Variants in ATP13A2 observed in about 807,000 individuals in gnomAD.
The protein encoded by ATP13A2 is ATPase cation transporting 13A2, also known as polyamine-transporting ATPase 13A2.
Under a neutral mutation model 138.3 loss-of-function variants are expected in ATP13A2, and 83 were observed. The ratio of observed to expected loss-of-function variants is 0.60; its 90% confidence interval spans 0.50 to 0.72. ATP13A2 has a LOEUF of 0.72. ATP13A2 is among the 30% of genes least tolerant of loss of function. The pLI is 0.00. For synonymous variants in ATP13A2, 663 were observed against 699.0 expected, an observed-to-expected ratio of 0.95 and a Z score of 0.81; for missense variants, 1,402 against 1,606.4, an observed-to-expected ratio of 0.87 and a Z score of 2.17.
intron 11 of ATP13A2, 100 bp downstream of exon 11, chr1:16,999,910 CA>C (rs1267818643): frequency 2.8e-6 from 4 of 1,445,506 alleles, no homozygotes; most frequent in Non-Finnish European, 3.6e-6. Flanking sequence ...CACAAAAAAA[CA>C]AAAAAGGAAA....
intron 12 of ATP13A2, 44 bp from the exon 13 acceptor site, chr1:16,996,540 G>A: frequency 6.5e-7 from 1 of 1,529,540 alleles, no homozygotes; most frequent in Non-Finnish European, 9.1e-7. Context: ...GCCAGGGTGA[G>A]GGCAGGCCTT....
chr1:16,989,330 G>A (rs2076842088), intron 23 of ATP13A2, among the ~76,000 whole-genome samples: 2 of 152,146 alleles, frequency 1.3e-5, no homozygotes, highest in African/African-American at 4.8e-5. Context: ...TCCTGCCTCA[G>A]CCTCTTGAGT....
intron 24 of ATP13A2, 26 bp from the exon 25 acceptor site, chr1:16,988,260 G>A (rs371934965): frequency 2.7e-5 from 44 of 1,614,168 alleles, no homozygotes; most frequent in Non-Finnish European, 3.6e-5. Context: ...CGGACATTAG[G>A]GGACCCAGGT....
At position 16,997,165 on chromosome 1, in the gene ATP13A2, A is replaced by C; in HGVS notation, c.1050T>G (p.Ile350Met). The change falls in exon 12 of 29, where the codon ATT (isoleucine) becomes ATG (methionine). Residue 350 changes from isoleucine to methionine, a missense_variant. Ile to Met is a conservative substitution (Grantham distance 10, BLOSUM62 1). Transcript: ENST00000326735. ...CCGGCAGTGCCGTCTTCAGCACTGG[A>C]ATGCTCTCTCCTGGTGGGGAACGTG... ...VNESSLTGES[I>M]PVLKTALPEG... The C allele has an allele frequency of 1.2e-6, 2 of 1,613,412 alleles. No homozygotes were observed. The highest frequency in any genetic ancestry group is 1.7e-6 in the Non-Finnish European group (2 of 1,180,014).
chr1:16,997,275 T>C (rs929833403), intron 11 of ATP13A2, 100 bp from the exon 12 acceptor site: 1 of 1,432,124 alleles, frequency 7.0e-7, no homozygotes, highest in African/African-American at 1.4e-5. Flanking sequence ...TAAGTCTCAG[T>C]TAACTCTGTA....
At position 16,992,595 on chromosome 1, in the gene ATP13A2, A is replaced by C; in HGVS notation, c.1750-14T>G. 1.9e-6 allele frequency: 3 copies of C among 1,614,116 alleles called. No homozygotes were observed. The highest frequency in any genetic ancestry group is 2.5e-6 in the Non-Finnish European group (3 of 1,179,942). ...TTCCTCCAGGACCTGGCAGGCAGGCAGGGAAGTTTGGTGTCTGGGGGCTTT... is the reference window on the plus strand; with the variant it reads ...TTCCTCCAGGACCTGGCAGGCAGGCCGGGAAGTTTGGTGTCTGGGGGCTTT... On this transcript the variant is annotated splice_polypyrimidine_tract_variant and intron_variant, in intron 16 of 28. Transcript: ENST00000326735.
At position 17,004,366 on chromosome 1, in the gene ATP13A2, A is replaced by G. The variant is rs1344114373; in HGVS notation, c.523T>C (p.Trp175Arg). The G allele has an allele frequency of 6.2e-7, 1 of 1,613,948 alleles. No individual in the cohort carries two copies. The highest frequency in any genetic ancestry group is 8.5e-7 in the Non-Finnish European group (1 of 1,180,004). The change falls in exon 6 of 29, where the codon TGG (tryptophan) becomes CGG (arginine). Residue 175 changes from tryptophan to arginine, a missense_variant. Coordinates refer to ENST00000326735, the MANE Select transcript of ATP13A2 (RefSeq NM_022089.4). The surrounding 1 kb of genome is among the most constrained non-coding windows in gnomAD (Gnocchi z 4.1). ...TAGAAGGCTTGCTGGGTCTCGATCCAGATATAGCGCTGGCCCTGGAAGAGG... is the reference window on the plus strand; with the variant it reads ...TAGAAGGCTTGCTGGGTCTCGATCCGGATATAGCGCTGGCCCTGGAAGAGG... ...YYLFQGQRYI[W>R]IETQQAFYQV... is the part of the protein sequence containing the mutation.
intron 11 of ATP13A2, 135 bp from the exon 12 acceptor site, chr1:16,997,310 G>A (rs2077166640): frequency 9.3e-7 from 1 of 1,077,526 alleles, no homozygotes; most frequent in Non-Finnish European, 1.4e-6. Flanking sequence ...AGAAATCACA[G>A]CCCCATTTTA....
Position 17,005,912 on chromosome 1 carries a change from A to G in ATP13A2, c.11-134T>C, listed in dbSNP as rs1463893907. On this transcript the variant is annotated intron_variant, in intron 1 of 28. Coordinates refer to ENST00000326735, the MANE Select transcript of ATP13A2 (RefSeq NM_022089.4). ...CACTTTGGGAGGCCGAGGCGGGTGGATCACCTGAGGTTAGAAGTTCGAGAT... is the reference window on the plus strand; with the variant it reads ...CACTTTGGGAGGCCGAGGCGGGTGGGTCACCTGAGGTTAGAAGTTCGAGAT... The G allele has an allele frequency of 4.8e-5, 36 of 756,122 alleles. No individual in the cohort carries two copies. The East Asian group carries it at 9.5e-4, about 20-fold the overall frequency. The allele number at this position is 756,122 out of a possible 1,614,324, so 46.8% of individuals were successfully genotyped here.
chr1:16,996,290 G>A lies in ATP13A2; in HGVS notation c.1317C>T (p.Gly439=), dbSNP rs775625778. The A allele has an allele frequency of 1.9e-6, 3 of 1,614,202 alleles. No homozygotes were observed. Among genetic ancestry groups the A allele is most frequent in the Admixed American group, 1.7e-5 (1 of 60,020 alleles). Residue 439 remains glycine (G), a synonymous_variant, in exon 14 of 29, where the codon GGC becomes GGT. Transcript: ENST00000326735. ...VAALSVLALL[G]TIYSIFILYR... is the part of the protein sequence containing the mutation. The stretch of plus-strand genomic sequence containing the variant: ...AGAGGATGAAGATGCTGTAGATGGT[G>A]CCGAGGAGAGCTGTGGGGACAGCGA...
intron 3 of ATP13A2, 95 bp from the exon 4 acceptor site, chr1:17,005,167 A>G: frequency 6.4e-7 from 1 of 1,564,280 alleles, no homozygotes; most frequent in Non-Finnish European, 8.8e-7. Flanking sequence ...AGAAGGCAGA[A>G]ATCAAGGCTA....
Position 16,993,309 on chromosome 1 carries a change from G to A in ATP13A2, c.1749+320C>T, listed in dbSNP as rs147174411. 2.2e-3 allele frequency among the ~76,000 whole-genome samples: 334 copies of A among 152,216 alleles called. 4 individuals are homozygous for A. The highest frequency in any genetic ancestry group is 7.7e-3 in the African/African-American group (318 of 41,534). On this transcript the variant is annotated intron_variant, in intron 16 of 28. Transcript: ENST00000326735. ...CAGCTCCCTGTAGCCTCGCCCTCCC[G>A]GGCTCAATTAATCCTCCCACCTCAG...
intron 11 of ATP13A2, among the ~76,000 whole-genome samples, chr1:16,999,184 C>A (rs991450751): frequency 6.6e-6 from 1 of 151,934 alleles, no homozygotes. Flanking sequence ...AGTTCAAGAC[C>A]AGTCTGACCA....
At chr1:16,998,678 G>A (rs1401818322) in intron 11 of ATP13A2, among the ~76,000 whole-genome samples, 2 of 152,096 alleles carry the variant, frequency 1.3e-5, no homozygotes, top group African/African-American at 4.8e-5. Flanking sequence ...CTCCTGTGGC[G>A]TCCTTTGCAA....
At chr1:16,996,530 G>C in intron 12 of ATP13A2, 34 bp from the exon 13 acceptor site, 1 of 1,576,442 alleles carries the variant, frequency 6.3e-7, no homozygotes, top group Non-Finnish European at 8.7e-7. Flanking sequence ...AGGCAGGGAA[G>C]CCAGGGTGAG....
chr1:16,998,859 C>T (rs977376417), intron 11 of ATP13A2, among the ~76,000 whole-genome samples: 14 of 152,098 alleles, frequency 9.2e-5, no homozygotes, highest in African/African-American at 2.7e-4. Context: ...TACAATCCCA[C>T]GTTCAGAACA....
At chr1:17,000,966 T>TA (rs1334510284) in intron 8 of ATP13A2, 3 of 190,020 alleles carry the variant, frequency 1.6e-5, no homozygotes, top group Non-Finnish European at 3.3e-5. Context: ...AATAAATAAA[T>TA]AGGATAAGGG....
chr1:16,995,487 G>A lies in ATP13A2; in HGVS notation c.1542+489C>T, dbSNP rs1376804433. On this transcript the variant is annotated intron_variant, in intron 15 of 28. Coordinates refer to ENST00000326735, the MANE Select transcript of ATP13A2 (RefSeq NM_022089.4). The surrounding 1 kb of genome is among the most constrained non-coding windows in gnomAD (Gnocchi z 4.1). ...CCACCAGTAATTTTTTTTTTTTTTTGAGTTTTGCTCTGTCACCCAGGCTGG... is the reference window on the plus strand; with the variant it reads ...CCACCAGTAATTTTTTTTTTTTTTTAAGTTTTGCTCTGTCACCCAGGCTGG... 1 of 190,306 alleles carries A rather than the reference G, an allele frequency of 5.3e-6. No individual in the cohort carries two copies. The highest frequency in any genetic ancestry group is 1.1e-5 in the Non-Finnish European group (1 of 92,688). 11.8% of individuals were successfully genotyped at this position (190,306 alleles called of 1,614,324 possible).
Position 16,995,513 on chromosome 1 carries a change from A to G in ATP13A2, c.1542+463T>C, listed in dbSNP as rs1330851760. 2.1e-5 allele frequency: 5 copies of G among 236,582 alleles called. No individual in the cohort carries two copies. The highest frequency in any genetic ancestry group is 4.6e-5 in the African/African-American group (2 of 43,080). 14.7% of individuals were successfully genotyped at this position (236,582 alleles called of 1,614,324 possible). A position where few individuals can be genotyped will look rare whatever the true frequency, so the allele number is the denominator to read the frequency against. On this transcript the variant is annotated intron_variant, in intron 15 of 28. Transcript: ENST00000326735. This position sits in a 1 kb window ranked among gnomAD's most constrained non-coding sequence, Gnocchi z 4.1. ...AGTTTTGCTCTGTCACCCAGGCTGG[A>G]GTACAATGGCATGATCTTGGCTCAC...
Sources: allele counts gnomAD v4.1 joint callset (sites outside exome capture counted in the v4.1 genomes callset), GRCh38; gene constraint gnomAD v4.1.1; non-coding constraint Gnocchi (gnomAD v3.1); transcripts MANE v1.5; gene names NCBI Gene and HGNC (gene_info 2026-07-23, HGNC 2026-07-21).